Variants in ARHGEF10L observed in about 807,000 individuals in gnomAD.
The protein encoded by ARHGEF10L is rho guanine nucleotide exchange factor 10-like protein.
In ARHGEF10L, 69 loss-of-function variants were observed where a neutral mutation model predicts 141.2. The observed-to-expected ratio is 0.49, with a 90% confidence interval of 0.40 to 0.60. The LOEUF (loss-of-function observed/expected upper bound fraction) is 0.60. Ranked by LOEUF, ARHGEF10L falls within the 20% of genes least tolerant of loss-of-function variation. The pLI, the probability that ARHGEF10L is intolerant of heterozygous loss-of-function variation, is 0.00. For missense variants in ARHGEF10L, 1,482 were observed against 1,734.3 expected (o/e 0.85, Z 2.58); for synonymous variants, 711 against 718.5 (o/e 0.99, Z 0.17).
intron 18 of ARHGEF10L, among the ~76,000 whole-genome samples, chr1:17,636,765 A>G (rs2061026807): frequency 6.6e-6 from 1 of 152,176 alleles, no homozygotes; most frequent in Non-Finnish European, 1.5e-5. Context: ...CATTCCACAC[A>G]GGTGACTCAG....
chr1:17,569,549 C>G (rs1343829030), intron 1 of ARHGEF10L, among the ~76,000 whole-genome samples: 3 of 152,178 alleles, frequency 2.0e-5, no homozygotes, highest in African/African-American at 7.2e-5. Flanking sequence ...CCTCGTGGGA[C>G]AGAGTGAACA....
the ARHGEF10L span, among the ~76,000 whole-genome samples, chr1:17,528,513 C>T: frequency 3.3e-5 from 5 of 152,072 alleles, no homozygotes; most frequent in African/African-American, 1.2e-4. Flanking sequence ...GCTCGGCCTC[C>T]TTTTGGTTTT....
chr1:17,574,524 A>G (rs2078140664), intron 1 of ARHGEF10L, among the ~76,000 whole-genome samples: 1 of 152,152 alleles, frequency 6.6e-6, no homozygotes, highest in South Asian at 2.1e-4. Flanking sequence ...TCTTATTTAC[A>G]CCTGCACCTG....
In ARHGEF10L at chr1:17,580,567, C is replaced by T. The variant is rs772063929; in HGVS notation, c.-29C>T. 1.3e-5 allele frequency: 21 copies of T among 1,614,002 alleles called. No individual in the cohort carries two copies. The highest frequency in any genetic ancestry group is 5.3e-5 in the African/African-American group (4 of 74,918). Reference sequence around the variant, plus strand: ...TCTTTCCACAGGTGTGTAGCTGGGACGGTGCTGGTCTGAGCTGGACCTTGT... The same window carrying T: ...TCTTTCCACAGGTGTGTAGCTGGGATGGTGCTGGTCTGAGCTGGACCTTGT... On this transcript the variant is annotated 5_prime_UTR_variant, in exon 2 of 29. It adds an upstream start codon to the 5' untranslated region. Transcript: ENST00000361221.
intron 27 of ARHGEF10L, among the ~76,000 whole-genome samples, chr1:17,691,475 C>A (rs1208146639): frequency 6.6e-6 from 1 of 152,034 alleles, no homozygotes; most frequent in Non-Finnish European, 1.5e-5. Flanking sequence ...GGTCTCCATG[C>A]CCTGGGGGTC....
intron 4 of ARHGEF10L, among the ~76,000 whole-genome samples, chr1:17,596,024 C>T (rs866743330): frequency 1.3e-5 from 2 of 152,200 alleles, no homozygotes; most frequent in African/African-American, 2.4e-5. Flanking sequence ...TATCCCAGGT[C>T]GTGGCCCCGG....
chr1:17,676,332 T>TGTGGGTGCAGGC (rs1419228425), intron 26 of ARHGEF10L, among the ~76,000 whole-genome samples: 7 of 138,106 alleles, frequency 5.1e-5, no homozygotes, highest in African/African-American at 1.4e-4. Flanking sequence ...TATGTTCACG[T>TGTGGGTGCAGGC]GTGGGTGCAG....
chr1:17,668,198 A>G lies in ARHGEF10L; in HGVS notation c.3009+3603A>G, dbSNP rs543028019. The stretch of plus-strand genomic sequence containing the variant: ...AATAATTTACCTATCTTAAATCCGC[A>G]TTGCTGTATATGTCGTTTATTTGGA... On this transcript the variant is annotated intron_variant, in intron 26 of 28. Coordinates refer to ENST00000361221, the MANE Select transcript of ARHGEF10L (RefSeq NM_018125.4). Among the ~76,000 whole-genome samples the G allele has an allele frequency of 1.1e-3, 167 of 152,268 alleles. 5 individuals are homozygous for G. In the South Asian group the frequency reaches 0.021, roughly 19 times the overall value.
At position 17,621,343 on chromosome 1, in the gene ARHGEF10L, T is replaced by C. The variant is rs2060098332; in HGVS notation, c.943-521T>C. ...TGCCTCCCAGGTTCCAGCAATTCTC[T>C]TGCTTCAGCCTCCAAAGTAGCTGGG... On this transcript the variant is annotated intron_variant, in intron 10 of 28. Transcript: ENST00000361221. The surrounding 1 kb of genome is among the most constrained non-coding windows in gnomAD (Gnocchi z 4.1). Among the ~76,000 whole-genome samples, 2 of 152,162 alleles carry C rather than the reference T, an allele frequency of 1.3e-5. No homozygotes were observed. The highest frequency in any genetic ancestry group is 6.5e-5 in the Admixed American group (1 of 15,284).
chr1:17,680,511 G>T (rs1329386876), intron 26 of ARHGEF10L, among the ~76,000 whole-genome samples: 1 of 152,196 alleles, frequency 6.6e-6, no homozygotes, highest in Non-Finnish European at 1.5e-5. Flanking sequence ...TGGATGGGGG[G>T]CTGCAGGGAG....
intron 4 of ARHGEF10L, among the ~76,000 whole-genome samples, chr1:17,594,811 A>G (rs145008567): frequency 2.5e-4 from 38 of 152,288 alleles, no homozygotes; most frequent in African/African-American, 7.5e-4. Context: ...TCTGTAAAGC[A>G]GGGTGATGAG....
chr1:17,677,768 G>C (rs544312141), intron 26 of ARHGEF10L, among the ~76,000 whole-genome samples: 2 of 152,360 alleles, frequency 1.3e-5, no homozygotes, highest in East Asian at 3.9e-4. Context: ...AAGAAACCAA[G>C]GCAGGAAGTG....
At chr1:17,580,438 C>G in intron 1 of ARHGEF10L, 115 bp from the exon 2 acceptor site, 1 of 849,040 alleles carries the variant, frequency 1.2e-6, no homozygotes, top group Non-Finnish European at 1.9e-6. Flanking sequence ...TGGGGCTGCC[C>G]TGTGCTCTGA....
intron 16 of ARHGEF10L, chr1:17,634,347 G>C: frequency 1.3e-6 from 1 of 767,124 alleles, no homozygotes; most frequent in Non-Finnish European, 2.2e-6. Flanking sequence ...TCCTAGCGGG[G>C]CTGTTGTGAG....
At chr1:17,608,940 T>A (rs907488653) in intron 7 of ARHGEF10L, among the ~76,000 whole-genome samples, 1 of 152,146 alleles carries the variant, frequency 6.6e-6, no homozygotes, top group Non-Finnish European at 1.5e-5. Flanking sequence ...TGCACCATCA[T>A]GCCTGGCTAA....
rs893631650 is a variant in ARHGEF10L, at chr1:17,603,887, C to T, written c.433+296C>T. On this transcript the variant is annotated intron_variant, in intron 6 of 28. Transcript: ENST00000361221. This position sits in a 1 kb window ranked among gnomAD's most constrained non-coding sequence, Gnocchi z 4.8. ...CTCCTTCAGGAAAATGGGGCCATAC[C>T]CCAGGCTTTCTGGGGCTGTTGGGGA... 5.3e-5 allele frequency among the ~76,000 whole-genome samples: 8 copies of T among 152,186 alleles called. No individual in the cohort carries two copies. Among genetic ancestry groups the T allele is most frequent in the African/African-American group, 1.7e-4 (7 of 41,446 alleles).
At chr1:17,540,728 G>A (rs1473208994) in intron 1 of ARHGEF10L, among the ~76,000 whole-genome samples, 1 of 152,200 alleles carries the variant, frequency 6.6e-6, no homozygotes, top group Non-Finnish European at 1.5e-5. Context: ...GCCAAGTAGA[G>A]AGGTGGTGGC....
At chr1:17,683,812 C>G (rs2064341558) in intron 26 of ARHGEF10L, among the ~76,000 whole-genome samples, 1 of 152,234 alleles carries the variant, frequency 6.6e-6, no homozygotes, top group Admixed American at 6.5e-5. Context: ...ACCGACTTCT[C>G]TTTTAATTAG....
At position 17,697,288 on chromosome 1, in the gene ARHGEF10L, T is replaced by G; in HGVS notation, c.3748T>G (p.Phe1250Val). The change falls in exon 29 of 29, where the codon TTT becomes GTT. Residue 1250 changes from phenylalanine (F) to valine (V), a missense_variant. Physicochemically the swap from Phe to Val is conservative, Grantham distance 50 (BLOSUM62 -1). Transcript: ENST00000361221. This position sits in a 1 kb window ranked among gnomAD's most constrained non-coding sequence, Gnocchi z 4.8. ...CTCCGGCGGGCAGGGCTACCGCAAC[T>G]TTGGCAGCGCTCTGGGCAGCAGTGG... ...IISGGQGYRN[F>V]GSALGSSGRQ... The G allele has an allele frequency of 6.2e-7, 1 of 1,612,752 alleles. No homozygotes were observed. The highest frequency in any genetic ancestry group is 8.5e-7 in the Non-Finnish European group (1 of 1,179,844).
Sources: gnomAD v4.1 joint callset for allele counts (sites outside exome capture counted in the v4.1 genomes callset) on GRCh38, gnomAD v4.1.1 for gene constraint, Gnocchi (gnomAD v3.1) non-coding constraint, MANE v1.5 for transcripts, NCBI Gene and HGNC (gene_info 2026-07-23, HGNC 2026-07-21) for gene names.